The following ZFAT variants were observed in gnomAD, a reference collection of about 807,000 sequenced individuals.
ZFAT encodes the protein zinc finger and AT-hook domain containing.
In ZFAT, 64 loss-of-function variants were observed where a neutral mutation model predicts 117.7. That is an observed-to-expected ratio of 0.54 (90% CI 0.44 to 0.67). The LOEUF (loss-of-function observed/expected upper bound fraction) is 0.67, where lower values mean the gene tolerates loss of function less well. ZFAT is among the 30% of genes least tolerant of loss of function. The probability of loss-of-function intolerance (pLI) is 0.00; values close to 1 mark genes in which losing one functional copy is unlikely to be tolerated. For missense variants in ZFAT, 1,433 were observed against 1,584.5 expected, an observed-to-expected ratio of 0.90 and a Z score of 1.62; for synonymous variants, 679 against 615.0, an observed-to-expected ratio of 1.10 and a Z score of -1.54.
At chr8:134,707,978 T>C (rs1464946953) in intron 1 of ZFAT, among the ~76,000 whole-genome samples, 1 of 152,220 alleles carries the variant, frequency 6.6e-6, no homozygotes, top group Non-Finnish European at 1.5e-5. Context: ...TTTTTTAATG[T>C]GGGACATATA....
chr8:134,750,308 A>ATGTTGAATAGAGAAATACAG, the ZFAT span, among the ~76,000 whole-genome samples: 3 of 152,132 alleles, frequency 2.0e-5, no homozygotes. Flanking sequence ...GAGAAATACA[A>ATGTTGAATAGAGAAATACAG]TGTTTTTTGT....
chr8:134,510,603 G>C (rs573379067), intron 14 of ZFAT: 2 of 163,118 alleles, frequency 1.2e-5, no homozygotes, highest in African/African-American at 4.8e-5. Flanking sequence ...ACAATGCATC[G>C]CCGGCACCCC....
chr8:134,772,934 C>T, the ZFAT span, among the ~76,000 whole-genome samples: 1 of 150,908 alleles, frequency 6.6e-6, no homozygotes, highest in Non-Finnish European at 1.5e-5. Context: ...ACAACAACAA[C>T]AAAAAAAACT....
chr8:134,553,218 G>A (rs577170905), intron 11 of ZFAT, among the ~76,000 whole-genome samples: 1 of 152,190 alleles, frequency 6.6e-6, no homozygotes, highest in Non-Finnish European at 1.5e-5. Context: ...CCTGGTAAAA[G>A]CTTCTCAGCC....
intron 1 of ZFAT, among the ~76,000 whole-genome samples, chr8:134,691,466 A>C (rs1833584939): frequency 6.6e-6 from 1 of 152,214 alleles, no homozygotes; most frequent in African/African-American, 2.4e-5. Context: ...GGGGCGATAA[A>C]AGACAAACGA....
intron 1 of ZFAT, among the ~76,000 whole-genome samples, chr8:134,668,745 T>C (rs530632277): frequency 1.3e-5 from 2 of 152,352 alleles, no homozygotes; most frequent in South Asian, 4.1e-4. Context: ...GGAACAAAGC[T>C]GGACGGAGAA....
chr8:134,704,302 A>T lies in ZFAT; in HGVS notation c.19+8543T>A, dbSNP rs142666759. ...AGATGCTTCTCTCTACCACCACAGG[A>T]GGAAATTGAAGATTACAGACCCAGG... On this transcript the variant is annotated intron_variant, in intron 1 of 15. Transcript: ENST00000377838. Among the ~76,000 whole-genome samples, 577 of 152,308 alleles carry T rather than the reference A, an allele frequency of 3.8e-3. 9 individuals carry two copies. The highest frequency in any genetic ancestry group is 0.013 in the African/African-American group (540 of 41,568).
At chr8:134,792,359 A>G in the ZFAT span, 2 of 152,204 alleles carry the variant, frequency 1.3e-5, no homozygotes, top group Non-Finnish European at 2.9e-5. Flanking sequence ...AGTATCAAGT[A>G]GAGACTTGTC....
At chr8:134,506,127 C>T (rs902685209) in intron 15 of ZFAT, among the ~76,000 whole-genome samples, 1 of 152,184 alleles carries the variant, frequency 6.6e-6, no homozygotes, top group East Asian at 1.9e-4. Flanking sequence ...GATAGCATTT[C>T]CTGTGCGGCT....
At chr8:134,663,594 C>T (rs552992496) in intron 1 of ZFAT, among the ~76,000 whole-genome samples, 123 of 151,848 alleles carry the variant, frequency 8.1e-4, no homozygotes, top group African/African-American at 2.7e-3. Context: ...AAAAATTAGC[C>T]GGGGGTGGGG....
the ZFAT span, among the ~76,000 whole-genome samples, chr8:134,783,136 T>C: frequency 2.6e-5 from 4 of 152,232 alleles, no homozygotes; most frequent in Admixed American, 2.0e-4. Flanking sequence ...TTTTCTCCAG[T>C]TAAAAGTTTG....
At chr8:134,598,171 T>TC (rs1827108624) in intron 7 of ZFAT, 1 of 152,096 alleles carries the variant, frequency 6.6e-6, no homozygotes, top group South Asian at 2.1e-4. Flanking sequence ...TCTGTCTCTG[T>TC]CCCTTACCAA....
At chr8:134,487,717 C>G (rs1817750992) in intron 15 of ZFAT, among the ~76,000 whole-genome samples, 1 of 152,160 alleles carries the variant, frequency 6.6e-6, no homozygotes, top group African/African-American at 2.4e-5. Flanking sequence ...CCCTTCTTGC[C>G]CTTGAGAACT....
intron 1 of ZFAT, among the ~76,000 whole-genome samples, chr8:134,683,196 A>C (rs895514220): frequency 4.6e-5 from 7 of 152,238 alleles, no homozygotes; most frequent in Admixed American, 1.3e-4. Flanking sequence ...CAAAAGAAGA[A>C]GTGGCTCCTT....
upstream of ZFAT, among the ~76,000 whole-genome samples, chr8:134,717,042 A>AG (rs1814219465): frequency 1.3e-5 from 2 of 152,180 alleles, no homozygotes; most frequent in Admixed American, 1.3e-4. Flanking sequence ...ACCAGCTAAA[A>AG]GGGGGGTTCA....
Position 134,708,414 on chromosome 8 carries a change from TAAC to T in ZFAT, c.19+4428_19+4430del, listed in dbSNP as rs145427491. On this transcript the variant is annotated intron_variant, in intron 1 of 15. Coordinates refer to ENST00000377838, the MANE Select transcript of ZFAT (RefSeq NM_020863.4). Reference sequence around the variant, plus strand: ...TATTCCACATTATACTCATAAATCATAACATCACATTATACCCCGTAAAGAAAC... The same window carrying T: ...TATTCCACATTATACTCATAAATCATATCACATTATACCCCGTAAAGAAAC... 9.3e-3 allele frequency among the ~76,000 whole-genome samples: 1,415 copies of T among 152,280 alleles called. 20 individuals are homozygous for T. Among genetic ancestry groups the T allele is most frequent in the African/African-American group, 0.032 (1,346 of 41,552 alleles).
At chr8:134,490,950 T>C (rs1203939035) in intron 15 of ZFAT, among the ~76,000 whole-genome samples, 2 of 152,166 alleles carry the variant, frequency 1.3e-5, no homozygotes, top group Non-Finnish European at 2.9e-5. Flanking sequence ...CTGAAGCCAG[T>C]GCACCTCAGC....
chr8:134,633,388 T>C (rs1333721652), intron 3 of ZFAT, among the ~76,000 whole-genome samples: 3 of 152,192 alleles, frequency 2.0e-5, no homozygotes, highest in Admixed American at 6.5e-5. Flanking sequence ...TTTAAGATAA[T>C]GGCATAAGTG....
At chr8:134,831,716 C>T in the ZFAT span, among the ~76,000 whole-genome samples, 1 of 151,932 alleles carries the variant, frequency 6.6e-6, no homozygotes, top group Admixed American at 6.5e-5. Context: ...CCTCCCGCCG[C>T]CCGCCCCATA....
Sources: gnomAD v4.1 joint callset for allele counts (sites outside exome capture counted in the v4.1 genomes callset) on GRCh38, gnomAD v4.1.1 for gene constraint, MANE v1.5 for transcripts, NCBI Gene and HGNC (gene_info 2026-07-23, HGNC 2026-07-21) for gene names.